The following GABRG3 variants were observed in gnomAD, a reference collection of about 807,000 sequenced individuals.
The protein encoded by GABRG3 is gamma-aminobutyric acid type A receptor subunit gamma3.
A neutral mutation model predicts 48.8 loss-of-function variants in GABRG3; 25 were observed. The ratio of observed to expected loss-of-function variants is 0.51; its 90% CI spans 0.37 to 0.72. GABRG3 has a LOEUF of 0.72. Ranked by LOEUF, GABRG3 falls within the 30% of genes least tolerant of loss-of-function variation. GABRG3 has a pLI of 0.00. For missense variants in GABRG3, 394 were observed against 577.9 expected, an observed-to-expected ratio of 0.68 and a Z score of 3.26; for synonymous variants, 227 against 217.6, an observed-to-expected ratio of 1.04 and a Z score of -0.38.
Position 27,491,808 on chromosome 15 carries a change from G to A in GABRG3, c.712+11021G>A, listed in dbSNP as rs549764460. Among the ~76,000 whole-genome samples the A allele has an allele frequency of 1.9e-4, 29 of 152,258 alleles. No homozygotes were observed. The South Asian group carries it at 2.3e-3, about 12-fold the overall frequency. The stretch of plus-strand genomic sequence containing the variant: ...AGGAAAAGCCTCACTGAAGAATTAC[G>A]AGGACATTGAAAGTCACCTCTGTTA... On this transcript the variant is annotated intron_variant, in intron 6 of 9. Transcript: ENST00000615808.
At chr15:27,308,049 AATATAAACAT>A (rs1235680436) in intron 3 of GABRG3, among the ~76,000 whole-genome samples, 1 of 131,322 alleles carries the variant, frequency 7.6e-6, no homozygotes, top group South Asian at 2.5e-4. Flanking sequence ...AAATGTATAT[AATATAAACAT>A]ATATAAACAT....
chr15:26,997,390 C>T (rs1343681060), intron 2 of GABRG3, among the ~76,000 whole-genome samples: 1 of 151,976 alleles, frequency 6.6e-6, no homozygotes, highest in Non-Finnish European at 1.5e-5. Context: ...TCGTACTTAC[C>T]CATTTATTTG....
intron 3 of GABRG3, among the ~76,000 whole-genome samples, chr15:27,311,775 A>C (rs767746130): frequency 2.3e-4 from 35 of 152,090 alleles, no homozygotes; most frequent in Non-Finnish European, 4.4e-4. Context: ...GGGACTGCTT[A>C]AAACCAAGAA....
Position 27,479,159 on chromosome 15 carries a change from A to G in GABRG3, c.575-1491A>G, listed in dbSNP as rs563888108. Among the ~76,000 whole-genome samples, 31 of 152,300 alleles carry G rather than the reference A, an allele frequency of 2.0e-4. 1 individual carries two copies. The highest frequency in any genetic ancestry group is 1.7e-3 in the South Asian group (8 of 4,834). On this transcript the variant is annotated intron_variant, in intron 5 of 9. Transcript: ENST00000615808. The stretch of plus-strand genomic sequence containing the variant: ...AAAAACCCTGATTTGGACACATTAA[A>G]TGTGTGAATTTTATGTATGTGCATT...
At position 27,098,931 on chromosome 15, in the gene GABRG3, G is replaced by A. The variant is rs534074569; in HGVS notation, c.270+72110G>A. The stretch of plus-strand genomic sequence containing the variant: ...AGCCAGCACAGGAAAAGAAGAAGGC[G>A]GATTGCCTGGTGACCTTGGGACTTA... On this transcript the variant is annotated intron_variant, in intron 3 of 9. Transcript: ENST00000615808. Among the ~76,000 whole-genome samples the A allele has an allele frequency of 5.3e-5, 8 of 152,176 alleles. 1 individual carries two copies. Among genetic ancestry groups the A allele is most frequent in the South Asian group, 4.2e-4 (2 of 4,804 alleles).
chr15:27,255,848 T>A (rs1403399173), intron 3 of GABRG3, among the ~76,000 whole-genome samples: 2 of 152,126 alleles, frequency 1.3e-5, no homozygotes, highest in Non-Finnish European at 2.9e-5. Flanking sequence ...CAAATTGGCT[T>A]TGAAGATGCC....
chr15:27,370,484 A>AT (rs1895373289), intron 5 of GABRG3, among the ~76,000 whole-genome samples: 1 of 151,884 alleles, frequency 6.6e-6, no homozygotes, highest in African/African-American at 2.4e-5. Flanking sequence ...TTTGTTAATG[A>AT]CTCCACTTGA....
intron 3 of GABRG3, among the ~76,000 whole-genome samples, chr15:27,234,607 G>C (rs1595602725): frequency 6.6e-6 from 1 of 152,034 alleles, no homozygotes; most frequent in Non-Finnish European, 1.5e-5. Context: ...GCGGTGCTCT[G>C]AGCCACCTGC....
At chr15:27,149,450 T>TC (rs1898270115) in intron 3 of GABRG3, among the ~76,000 whole-genome samples, 1 of 42,090 alleles carries the variant, frequency 2.4e-5, no homozygotes, top group Non-Finnish European at 6.0e-5. Flanking sequence ...TGTCAAAATC[T>TC]CAGCCTCCTT....
intron 3 of GABRG3, among the ~76,000 whole-genome samples, chr15:27,106,199 C>T (rs770822683): frequency 2.0e-5 from 3 of 151,962 alleles, no homozygotes; most frequent in African/African-American, 4.8e-5. Context: ...AGTTTCTAGA[C>T]GTCTAATGCA....
chr15:27,460,611 A>AG, intron 5 of GABRG3, among the ~76,000 whole-genome samples: 1 of 152,276 alleles, frequency 6.6e-6, no homozygotes, highest in East Asian at 1.9e-4. Flanking sequence ...AACAGGCAGG[A>AG]GGGTATCTTG....
intron 6 of GABRG3, among the ~76,000 whole-genome samples, chr15:27,506,615 C>T (rs556038931): frequency 6.6e-6 from 1 of 152,252 alleles, no homozygotes; most frequent in East Asian, 1.9e-4. Context: ...GGATTTCACC[C>T]TTTTGTGACC....
chr15:26,971,598 G>A lies in GABRG3; in HGVS notation c.53+10G>A, dbSNP rs370183511. On this transcript the variant is annotated intron_variant, in intron 1 of 9. Transcript: ENST00000615808. ...CGGGCTTGCACGCGCGGTAAGTGGC[G>A]CGGGGGCCGCATCCCCGGAGGCCCC... The A allele has an allele frequency of 7.1e-5, 109 of 1,526,680 alleles. 2 individuals carry two copies. Among genetic ancestry groups the A allele is most frequent in the African/African-American group, 1.4e-5 (1 of 69,748 alleles). 94.6% of individuals were successfully genotyped at this position (1,526,680 alleles called of 1,614,324 possible).
Position 27,536,747 on chromosome 15 carries a change from G to A in GABRG3, c.*3866G>A, listed in dbSNP as rs1891554855. 6.6e-6 allele frequency: 1 copy of A among 152,168 alleles called. No homozygotes were observed. The highest frequency in any genetic ancestry group is 1.5e-5 in the Non-Finnish European group (1 of 68,064). The allele number at this position is 152,168 out of a possible 1,614,324, so 9.4% of individuals were successfully genotyped here. A position where few individuals can be genotyped will look rare whatever the true frequency, so the allele number is the denominator to read the frequency against. ...GCTGCAGTAAGTTTGCAGGCATGTT[G>A]CTTCGTTGTTCTGCAATATAACCAC... On this transcript the variant is annotated 3_prime_UTR_variant, in exon 10 of 10. Transcript: ENST00000615808.
chr15:27,092,273 G>A (rs1159957945), intron 3 of GABRG3, among the ~76,000 whole-genome samples: 1 of 152,070 alleles, frequency 6.6e-6, no homozygotes, highest in Non-Finnish European at 1.5e-5. Flanking sequence ...GAATCTTTAG[G>A]GGGGATGGTC....
intron 3 of GABRG3, among the ~76,000 whole-genome samples, chr15:27,069,893 T>C (rs1460514724): frequency 6.6e-6 from 1 of 152,250 alleles, no homozygotes; most frequent in East Asian, 1.9e-4. Flanking sequence ...CTGTGGATCT[T>C]GCAACAGTAC....
At chr15:27,218,742 G>C (rs1889349887) in intron 3 of GABRG3, among the ~76,000 whole-genome samples, 1 of 152,164 alleles carries the variant, frequency 6.6e-6, no homozygotes, top group South Asian at 2.1e-4. Context: ...GTTTAGCATA[G>C]TGCTCGGGAG....
chr15:27,453,358 G>T (rs1478621910), intron 5 of GABRG3, among the ~76,000 whole-genome samples: 3 of 152,148 alleles, frequency 2.0e-5, no homozygotes, highest in Non-Finnish European at 4.4e-5. Context: ...TTATGGGAAT[G>T]ATTTTGCAAT....
intron 3 of GABRG3, among the ~76,000 whole-genome samples, chr15:27,032,991 A>G (rs1384384474): frequency 7.3e-6 from 1 of 137,014 alleles, no homozygotes; most frequent in Non-Finnish European, 1.6e-5. Context: ...GGCTGAAAAT[A>G]CAGCCCTTCT....
Sources: gnomAD v4.1 joint callset for allele counts (sites outside exome capture counted in the v4.1 genomes callset) on GRCh38, gnomAD v4.1.1 for gene constraint, MANE v1.5 for transcripts, NCBI Gene and HGNC (gene_info 2026-07-23, HGNC 2026-07-21) for gene names.